Variants in NXPH1 observed in about 807,000 individuals in gnomAD.
NXPH1 encodes the protein neurexophilin-1.
Under a neutral mutation model 23.7 loss-of-function variants are expected in NXPH1, and 5 were observed. The ratio of observed to expected loss-of-function variants is 0.21; its 90% confidence interval spans 0.11 to 0.44. The LOEUF is 0.44. NXPH1 is among the 20% of genes least tolerant of loss of function. The pLI, the probability that NXPH1 is intolerant of heterozygous loss-of-function variation, is 0.99. For synonymous variants in NXPH1, 144 were observed against 122.2 expected, an observed-to-expected ratio of 1.18 and a Z score of -1.18; for missense variants, 324 against 321.6, an observed-to-expected ratio of 1.01 and a Z score of -0.06.
At chr7:8,732,344 A>G (rs1027046375) in intron 2 of NXPH1, among the ~76,000 whole-genome samples, 1 of 152,230 alleles carries the variant, frequency 6.6e-6, no homozygotes, top group East Asian at 1.9e-4. Context: ...AGCTGTTCCC[A>G]TTCGGCCATC....
At chr7:8,515,393 C>T (rs951614987) in intron 2 of NXPH1, among the ~76,000 whole-genome samples, 13 of 152,048 alleles carry the variant, frequency 8.5e-5, no homozygotes, top group Admixed American at 5.9e-4. Context: ...ATTTTATCTC[C>T]TGCCATGGAT....
At chr7:8,452,832 C>T (rs192450259) in intron 2 of NXPH1, among the ~76,000 whole-genome samples, 1 of 152,184 alleles carries the variant, frequency 6.6e-6, no homozygotes, top group East Asian at 1.9e-4. Flanking sequence ...GATACTAGAG[C>T]CACTTCACAA....
intron 2 of NXPH1, among the ~76,000 whole-genome samples, chr7:8,623,725 A>T (rs1819928756): frequency 4.9e-5 from 5 of 102,912 alleles, no homozygotes; most frequent in African/African-American, 2.5e-4. Flanking sequence ...TGTGCCTTTT[A>T]TTGTCAATTT....
intron 2 of NXPH1, among the ~76,000 whole-genome samples, chr7:8,704,581 A>G (rs1583238103): frequency 6.6e-6 from 1 of 152,260 alleles, no homozygotes; most frequent in South Asian, 2.1e-4. Context: ...GGTAATTCCA[A>G]GTGGTAATGC....
chr7:8,488,725 TGA>T (rs1455447244), intron 2 of NXPH1, among the ~76,000 whole-genome samples: 2 of 152,166 alleles, frequency 1.3e-5, no homozygotes, highest in African/African-American at 2.4e-5. Context: ...AAATCTACAT[TGA>T]GTTTCTACAT....
intron 2 of NXPH1, among the ~76,000 whole-genome samples, chr7:8,611,293 G>A (rs542901317): frequency 4.6e-5 from 7 of 152,154 alleles, no homozygotes; most frequent in African/African-American, 7.2e-5. Context: ...TCTCTCAATC[G>A]GCTGGCCCTA....
At chr7:8,556,643 T>C (rs78086826) in intron 2 of NXPH1, among the ~76,000 whole-genome samples, 2 of 151,602 alleles carry the variant, frequency 1.3e-5, no homozygotes, top group South Asian at 2.1e-4. Context: ...CTACCTCTTT[T>C]TGGGGGAGTA....
intron 2 of NXPH1, among the ~76,000 whole-genome samples, chr7:8,732,823 T>C (rs1033481355): frequency 6.6e-6 from 1 of 152,172 alleles, no homozygotes; most frequent in Non-Finnish European, 1.5e-5. Flanking sequence ...CTATTTACTA[T>C]TGTAGACTTT....
chr7:8,443,553 CTTTAG>C (rs1440996488), intron 2 of NXPH1, among the ~76,000 whole-genome samples: 1 of 152,244 alleles, frequency 6.6e-6, no homozygotes, highest in Non-Finnish European at 1.5e-5. Context: ...GCTAAGGCGC[CTTTAG>C]CGGCGCGCAG....
chr7:8,601,908 G>T (rs1819371042), intron 2 of NXPH1, among the ~76,000 whole-genome samples: 1 of 152,298 alleles, frequency 6.6e-6, no homozygotes, highest in African/African-American at 2.4e-5. Context: ...TACAATAAAA[G>T]TCCAGACCGA....
At position 8,465,351 on chromosome 7, in the gene NXPH1, T is replaced by C. The variant is rs115880758; in HGVS notation, c.54+29584T>C. 8.2e-3 allele frequency among the ~76,000 whole-genome samples: 1,254 copies of C among 152,312 alleles called. 14 individuals are homozygous for C. Among genetic ancestry groups the C allele is most frequent in the African/African-American group, 0.028 (1,179 of 41,566 alleles). ...GTGGAATTTTCTACTCGCTCCTCTA[T>C]GCTCAGGTGACATTGGGGATTGTGT... On this transcript the variant is annotated intron_variant, in intron 2 of 2. Transcript: ENST00000405863.
In NXPH1 at chr7:8,483,965, C is replaced by CTTTTTTTTT. The variant is rs60436502; in HGVS notation, c.54+48207_54+48215dup. On this transcript the variant is annotated intron_variant, in intron 2 of 2. Coordinates refer to ENST00000405863, the MANE Select transcript of NXPH1 (RefSeq NM_152745.3). ...CTAGAATAAATAACACTCCCCCCACCTTTTTTTTTTTTTTTTTAAGAAGTA... is the reference window on the plus strand; with the variant it reads ...CTAGAATAAATAACACTCCCCCCACCTTTTTTTTTTTTTTTTTTTTTTTTTTAAGAAGTA... 2.0e-3 allele frequency among the ~76,000 whole-genome samples: 270 copies of CTTTTTTTTT among 132,258 alleles called. 7 individuals carry two copies. The highest frequency in any genetic ancestry group is 7.9e-3 in the African/African-American group (252 of 31,986). 86.8% of individuals were successfully genotyped at this position (132,258 alleles called of 152,430 possible). A position where few individuals can be genotyped will look rare whatever the true frequency, so the allele number is the denominator to read the frequency against.
intron 2 of NXPH1, among the ~76,000 whole-genome samples, chr7:8,639,144 A>G (rs1820267470): frequency 6.6e-6 from 1 of 152,254 alleles, no homozygotes; most frequent in African/African-American, 2.4e-5. Flanking sequence ...AAAAAATCAT[A>G]TAAACTAATA....
chr7:8,537,905 A>G (rs970587369), intron 2 of NXPH1, among the ~76,000 whole-genome samples: 4 of 151,844 alleles, frequency 2.6e-5, no homozygotes, highest in Non-Finnish European at 5.9e-5. Flanking sequence ...AGAAAGAGAC[A>G]ATTTAGAGAT....
intron 2 of NXPH1, among the ~76,000 whole-genome samples, chr7:8,615,268 C>G (rs1819710967): frequency 6.6e-6 from 1 of 152,040 alleles, no homozygotes; most frequent in Non-Finnish European, 1.5e-5. Flanking sequence ...CTGCAGGAGG[C>G]AGTGCGCATG....
At chr7:8,651,187 TG>T (rs1306760025) in intron 2 of NXPH1, among the ~76,000 whole-genome samples, 6 of 143,552 alleles carry the variant, frequency 4.2e-5, no homozygotes, top group Non-Finnish European at 9.1e-5. Flanking sequence ...GTGTTCTCAT[TG>T]TTCAATCCCA....
intron 2 of NXPH1, among the ~76,000 whole-genome samples, chr7:8,709,692 C>G (rs1025507866): frequency 3.3e-5 from 5 of 152,100 alleles, no homozygotes. Flanking sequence ...TTAAAACATT[C>G]CATTTTATGA....
chr7:8,443,338 A>G (rs78936116), intron 2 of NXPH1, among the ~76,000 whole-genome samples: 5,784 of 152,346 alleles, frequency 0.038, 138 homozygotes, highest in Middle Eastern at 0.054. Flanking sequence ...ACAGTTCATT[A>G]AATCTACCCC....
chr7:8,646,641 A>G (rs1381431231), intron 2 of NXPH1, among the ~76,000 whole-genome samples: 1 of 152,016 alleles, frequency 6.6e-6, no homozygotes, highest in Admixed American at 6.6e-5. Context: ...TTTTGTTTTT[A>G]AAGTCTTGAA....
Sources: gnomAD v4.1 joint callset for allele counts (sites outside exome capture counted in the v4.1 genomes callset) on GRCh38, gnomAD v4.1.1 for gene constraint, MANE v1.5 for transcripts, NCBI Gene and HGNC (gene_info 2026-07-23, HGNC 2026-07-21) for gene names.